ANKS1A: variants seen among roughly 807,000 people sequenced by gnomAD.
The protein encoded by ANKS1A is ankyrin repeat and SAM domain-containing protein 1A.
ANKS1A carries 55 observed loss-of-function variants against 120.3 expected under a neutral mutation model. That is an observed-to-expected ratio of 0.46 (90% confidence interval 0.37 to 0.57). The LOEUF (loss-of-function observed/expected upper bound fraction) is 0.57. ANKS1A is among the 20% of genes least tolerant of loss of function. The pLI, the probability that ANKS1A is intolerant of heterozygous loss-of-function variation, is 0.00. For missense variants in ANKS1A, 1,123 were observed against 1,480.3 expected (o/e 0.76, Z 3.96); for synonymous variants, 590 against 604.7 (o/e 0.98, Z 0.36).
intron 1 of ANKS1A, among the ~76,000 whole-genome samples, chr6:34,924,090 C>CGT (rs71794086): frequency 0.12 from 17,016 of 143,076 alleles, 1,109 homozygotes; most frequent in African/African-American, 0.17. Context: ...GGGGCTTTTT[C>CGT]GTGTGTGTGT....
rs201954793 is a variant in ANKS1A, at chr6:35,018,038, C to A, written c.1989C>A (p.Ser663=). ...IGKKRLEKSP[S]FASEWDEIEK... ...AGAAAAGGCTAGAGAAGTCACCCTC[C>A]TTCGCCTCGGAGTGGGATGAGGTAA... Residue 663 remains serine, a synonymous_variant, in exon 11 of 24, where the codon TCC becomes TCA. Coordinates refer to ENST00000360359, the MANE Select transcript of ANKS1A (RefSeq NM_015245.3). The A allele has an allele frequency of 6.2e-6, 10 of 1,613,760 alleles. No homozygotes were observed. Among genetic ancestry groups the A allele is most frequent in the Non-Finnish European group, 5.9e-6 (7 of 1,179,930 alleles).
chr6:35,079,383 G>A (rs1010010295), intron 14 of ANKS1A, 133 bp from the exon 15 acceptor site: 1 of 1,060,746 alleles, frequency 9.4e-7, no homozygotes, highest in Non-Finnish European at 1.3e-6. Flanking sequence ...GTGGGGGGCT[G>A]GAAGGTGCTG....
chr6:34,904,389 G>T (rs954317158), intron 1 of ANKS1A, among the ~76,000 whole-genome samples: 5 of 151,842 alleles, frequency 3.3e-5, no homozygotes, highest in Admixed American at 1.3e-4. Flanking sequence ...AGGGCTAACT[G>T]TATTATGTAA....
At chr6:35,067,886 AT>A (rs750257307) in intron 13 of ANKS1A, among the ~76,000 whole-genome samples, 49 of 106,884 alleles carry the variant, frequency 4.6e-4, no homozygotes, top group African/African-American at 1.4e-3. Flanking sequence ...TTCATTTTCA[AT>A]TTTTTTTTTT....
intron 1 of ANKS1A, among the ~76,000 whole-genome samples, chr6:34,934,730 T>TA (rs1172809330): frequency 2.0e-5 from 3 of 152,244 alleles, no homozygotes; most frequent in Non-Finnish European, 4.4e-5. Context: ...CCCTTGCTCT[T>TA]ACACATGTGA....
At chr6:35,011,568 G>T (rs775183702) in intron 10 of ANKS1A, among the ~76,000 whole-genome samples, 1 of 152,204 alleles carries the variant, frequency 6.6e-6, no homozygotes, top group Non-Finnish European at 1.5e-5. Flanking sequence ...CTATACCTAT[G>T]GGCCCCAAGG....
intron 1 of ANKS1A, among the ~76,000 whole-genome samples, chr6:34,901,311 T>C (rs983078512): frequency 2.0e-5 from 3 of 152,164 alleles, no homozygotes; most frequent in African/African-American, 7.2e-5. Context: ...AAAATGTTTT[T>C]CAGACAGTAT....
intron 13 of ANKS1A, among the ~76,000 whole-genome samples, chr6:35,076,114 G>A (rs747195449): frequency 3.3e-5 from 5 of 152,118 alleles, no homozygotes; most frequent in African/African-American, 4.8e-5. Context: ...AGAAAAGACC[G>A]ACAACTTCAT....
At chr6:34,990,045 C>T (rs567545625) in intron 9 of ANKS1A, among the ~76,000 whole-genome samples, 54 of 152,258 alleles carry the variant, frequency 3.5e-4, no homozygotes, top group African/African-American at 1.3e-3. Context: ...CATTTTGTAG[C>T]TCATTCAATG....
At chr6:35,038,332 T>A in intron 11 of ANKS1A, 1 of 456,692 alleles carries the variant, frequency 2.2e-6, no homozygotes, top group Non-Finnish European at 4.4e-6. Flanking sequence ...GCATTCTTAC[T>A]GAGATAGTCC....
chr6:34,897,377 G>C (rs1189107423), intron 1 of ANKS1A, among the ~76,000 whole-genome samples: 1 of 152,152 alleles, frequency 6.6e-6, no homozygotes, highest in Non-Finnish European at 1.5e-5. Flanking sequence ...CCAAACAGCT[G>C]TGAATTCTGG....
chr6:35,080,947 C>A, intron 16 of ANKS1A, 47 bp from the exon 17 acceptor site: 1 of 1,589,794 alleles, frequency 6.3e-7, no homozygotes, highest in Non-Finnish European at 8.6e-7. Flanking sequence ...TGTAGTCGGG[C>A]ACTGGGCCGA....
chr6:35,071,283 T>C (rs1358936307), intron 13 of ANKS1A, among the ~76,000 whole-genome samples: 1 of 152,220 alleles, frequency 6.6e-6, no homozygotes, highest in Non-Finnish European at 1.5e-5. Flanking sequence ...CTATAGAATG[T>C]AAATTTCCCC....
At chr6:35,040,251 G>A (rs1030701294) in intron 11 of ANKS1A, among the ~76,000 whole-genome samples, 1 of 152,194 alleles carries the variant, frequency 6.6e-6, no homozygotes, top group African/African-American at 2.4e-5. Flanking sequence ...TTGTTACCTT[G>A]GTTAAACTAT....
chr6:34,945,838 T>C (rs985952589), intron 1 of ANKS1A, among the ~76,000 whole-genome samples: 9 of 152,210 alleles, frequency 5.9e-5, no homozygotes, highest in Non-Finnish European at 1.2e-4. Flanking sequence ...TTGTCAAATT[T>C]ATGAGCATAT....
chr6:35,071,746 C>A (rs1207391319), intron 13 of ANKS1A, among the ~76,000 whole-genome samples: 2 of 152,240 alleles, frequency 1.3e-5, no homozygotes, highest in African/African-American at 2.4e-5. Flanking sequence ...GTGTCAGGGT[C>A]CTGTTTCCAG....
At chr6:34,947,055 A>G (rs1471536382) in intron 1 of ANKS1A, among the ~76,000 whole-genome samples, 1 of 151,594 alleles carries the variant, frequency 6.6e-6, no homozygotes, top group East Asian at 1.9e-4. Context: ...TTATTTTACT[A>G]TTTGGTATGA....
rs570236564 is a variant in ANKS1A, at chr6:34,889,887, G to T, written c.197+288G>T. The stretch of plus-strand genomic sequence containing the variant: ...GCACAGCCAGGGTTCACTCTCGCTC[G>T]CTACAGGGTGCCAGCTATCGTAGCT... On this transcript the variant is annotated intron_variant, in intron 1 of 23. Transcript: ENST00000360359. This position sits in a 1 kb window ranked among gnomAD's most constrained non-coding sequence, Gnocchi z 5.5. 6.6e-6 allele frequency among the ~76,000 whole-genome samples: 1 copy of T among 152,132 alleles called. No individual in the cohort carries two copies. The highest frequency in any genetic ancestry group is 6.5e-5 in the Admixed American group (1 of 15,282).
chr6:35,031,521 G>A (rs1199709264), intron 11 of ANKS1A, among the ~76,000 whole-genome samples: 1 of 152,120 alleles, frequency 6.6e-6, no homozygotes, highest in Non-Finnish European at 1.5e-5. Flanking sequence ...TTGTGCTCTT[G>A]ACCAGAACCC....
Sources: gnomAD v4.1 joint callset for allele counts (sites outside exome capture counted in the v4.1 genomes callset) on GRCh38, gnomAD v4.1.1 for gene constraint, Gnocchi (gnomAD v3.1) non-coding constraint, MANE v1.5 for transcripts, NCBI Gene and HGNC (gene_info 2026-07-23, HGNC 2026-07-21) for gene names.